Variants in ZNF311 observed in about 807,000 individuals in gnomAD.
ZNF311 encodes the protein zinc finger protein zfp31.
Under a neutral mutation model 22.7 loss-of-function variants are expected in ZNF311, and 14 were observed. The ratio of observed to expected loss-of-function variants is 0.62; its 90% CI spans 0.41 to 0.96. The LOEUF is 0.96. ZNF311 is among the 40% of genes least tolerant of loss of function. The probability of loss-of-function intolerance (pLI) is 0.00; values close to 1 mark genes in which losing one functional copy is unlikely to be tolerated. For synonymous variants in ZNF311, 250 were observed against 275.3 expected (o/e 0.91, Z 0.91); for missense variants, 731 against 799.0 (o/e 0.91, Z 1.03).
rs1780148167 is a variant in ZNF311 at position 28,999,571 on chromosome 6, T to C, written c.226A>G (p.Arg76Gly). ...GCGTAGGTCAGACACTGCCACTCCCTGTTAGTGAAGTTCACAGCTACATCC... is the reference window on the plus strand; with the variant it reads ...GCGTAGGTCAGACACTGCCACTCCCCGTTAGTGAAGTTCACAGCTACATCC... ...FEDVAVNFTN[R>G]EWQCLTYAQR... Residue 76 changes from arginine (R) to glycine (G), a missense_variant, in exon 5 of 7, where the codon AGG (arginine) becomes GGG (glycine). Physicochemically the swap from Arg to Gly is moderately radical, Grantham distance 125. Coordinates refer to ENST00000377179, the MANE Select transcript of ZNF311 (RefSeq NM_001382360.1). 1.2e-6 allele frequency: 2 copies of C among 1,613,666 alleles called. No homozygotes were observed. Among genetic ancestry groups the C allele is most frequent in the Non-Finnish European group, 1.7e-6 (2 of 1,179,960 alleles).
chr6:28,995,542 C>T lies in ZNF311; in HGVS notation c.1460G>A (p.Arg487Lys), dbSNP rs1276870191. The change falls in exon 7 of 7, where the codon AGG becomes AAG. Residue 487 changes from arginine (R) to lysine (K), a missense_variant. Coordinates refer to ENST00000377179, the MANE Select transcript of ZNF311 (RefSeq NM_001382360.1). The surrounding 1 kb of genome is among the most constrained non-coding windows in gnomAD (Gnocchi z 4.7). ...CCCTGTATGCTCTCGTTCATGAGCC[C>T]TGCGCTTACAGTTATGACGAAAGGC... The part of the protein sequence containing the change: ...GKAFRHNCKR[R>K]AHEREHTGEK... 2 of 1,613,760 alleles carry T rather than the reference C, an allele frequency of 1.2e-6. No individual in the cohort carries two copies. Among genetic ancestry groups the T allele is most frequent in the South Asian group, 2.2e-5 (2 of 91,074 alleles).
rs778410234 is a variant in ZNF311 at position 28,996,515 on chromosome 6, C to T, written c.487G>A (p.Ala163Thr). Residue 163 changes from alanine (A) to threonine (T), a missense_variant, in exon 7 of 7, where the codon GCC (alanine) becomes ACC (threonine). Coordinates refer to ENST00000377179, the MANE Select transcript of ZNF311 (RefSeq NM_001382360.1). ...AGACTGTTAAATTTCATCCAGTAGG[C>T]TTCTCCATTTTCAAAAATCTCTTGT... ...SQQEIFENGE[A>T]YWMKFNSLLK... 5 of 1,606,224 alleles carry T rather than the reference C, an allele frequency of 3.1e-6. No individual in the cohort carries two copies. In the African/African-American group the frequency reaches 4.0e-5, roughly 13 times the overall value.
At position 28,995,449 on chromosome 6, in the gene ZNF311, T is replaced by C. The variant is rs1779350176; in HGVS notation, c.1553A>G (p.Gln518Arg). ...AGGTTTCTCTCCAGTGTGGATTCTC[T>C]GATGGATGGTAAGGCAGTGCTTATC... ...FQDKHCLTIHQRIHTGEKPYK... is the reference protein window; with the variant it reads ...FQDKHCLTIHRRIHTGEKPYK... The change falls in exon 7 of 7, where the codon CAG becomes CGG. Residue 518 changes from glutamine (Q) to arginine (R), a missense_variant. Gln to Arg is a conservative substitution (Grantham distance 43, BLOSUM62 1). Coordinates refer to ENST00000377179, the MANE Select transcript of ZNF311 (RefSeq NM_001382360.1). This position sits in a 1 kb window ranked among gnomAD's most constrained non-coding sequence, Gnocchi z 4.7. 6.2e-7 allele frequency: 1 copy of C among 1,612,902 alleles called. No homozygotes were observed. Among genetic ancestry groups the C allele is most frequent in the Non-Finnish European group, 8.5e-7 (1 of 1,179,512 alleles).
intron 5 of ZNF311, 102 bp downstream of exon 5, chr6:28,999,385 T>A: frequency 8.7e-7 from 1 of 1,153,174 alleles, no homozygotes; most frequent in East Asian, 3.0e-5. Context: ...TGATAAAGAA[T>A]AAGGACTCTT....
rs1780121579 is a variant in ZNF311 at position 28,999,468 on chromosome 6, G to A, written c.310+19C>T. The stretch of plus-strand genomic sequence containing the variant: ...AAAAAAAGAAGGTAGAAAGCATTAA[G>A]TGTAGGGAAGGTCCTTACCAAGTGA... On this transcript the variant is annotated intron_variant, in intron 5 of 6. Transcript: ENST00000377179. The A allele has an allele frequency of 1.3e-6, 2 of 1,599,024 alleles. No individual in the cohort carries two copies. The highest frequency in any genetic ancestry group is 1.7e-6 in the Non-Finnish European group (2 of 1,175,008).
Position 28,995,349 on chromosome 6 carries a change from T to C in ZNF311, c.1653A>G (p.Gly551=). The C allele has an allele frequency of 6.2e-7, 1 of 1,613,982 alleles. No individual in the cohort carries two copies. Among genetic ancestry groups the C allele is most frequent in the Non-Finnish European group, 8.5e-7 (1 of 1,180,012 alleles). The stretch of plus-strand genomic sequence containing the variant: ...ATACCTCACATTTGTGAGGCTTCTC[T>C]CCAGTGTGAATTCTTCGATGATTGG... ...NLTNHRRIHT[G]EKPHKCEVCG... is the part of the protein sequence containing the mutation. Residue 551 remains glycine (G), a synonymous_variant, in exon 7 of 7, where the codon GGA becomes GGG. Transcript: ENST00000377179. The surrounding 1 kb of genome is among the most constrained non-coding windows in gnomAD (Gnocchi z 4.7).
chr6:29,004,296 A>G (rs1262586865), intron 1 of ZNF311, 82 bp from the exon 2 acceptor site: 3 of 1,042,758 alleles, frequency 2.9e-6, no homozygotes, highest in African/African-American at 1.6e-5. Flanking sequence ...CACGAAGTCA[A>G]ACTGAAAATG....
chr6:28,995,906 T>C lies in ZNF311; in HGVS notation c.1096A>G (p.Lys366Glu). 1.2e-6 allele frequency: 2 copies of C among 1,613,954 alleles called. No individual in the cohort carries two copies. Among genetic ancestry groups the C allele is most frequent in the Non-Finnish European group, 1.7e-6 (2 of 1,180,024 alleles). The change falls in exon 7 of 7, where the codon AAG becomes GAG. Residue 366 changes from lysine (K) to glutamate (E), a missense_variant. By Grantham distance (56) the Lys-to-Glu change is moderately conservative (BLOSUM62 1). Transcript: ENST00000377179. This position sits in a 1 kb window ranked among gnomAD's most constrained non-coding sequence, Gnocchi z 4.7. ...EKPYKCNCCG[K>E]AFQFKHSLTI... ...AGGGAATGCTTAAACTGGAAGGCCT[T>C]CCCACAGCAGTTACATTTGTAAGGC...
Position 28,995,101 on chromosome 6 carries a change from T to C in ZNF311, c.1901A>G (p.His634Arg), listed in dbSNP as rs759706820. 6.2e-7 allele frequency: 1 copy of C among 1,613,898 alleles called. No homozygotes were observed. The highest frequency in any genetic ancestry group is 8.5e-7 in the Non-Finnish European group (1 of 1,180,036). Residue 634 changes from histidine (H) to arginine (R), a missense_variant, in exon 7 of 7, where the codon CAT (histidine) becomes CGT (arginine). His to Arg is a conservative substitution (Grantham distance 29). Transcript: ENST00000377179. This position sits in a 1 kb window ranked among gnomAD's most constrained non-coding sequence, Gnocchi z 4.7. ...SNLTGHKKRK[H>R]QVWSTHELDG... ...AAGTTCATGGGTACTCCATACTTGATGTTTTCTTTTCTTATGTCCAGTAAG... is the reference window on the plus strand; with the variant it reads ...AAGTTCATGGGTACTCCATACTTGACGTTTTCTTTTCTTATGTCCAGTAAG...
intron 3 of ZNF311, among the ~76,000 whole-genome samples, chr6:29,000,998 C>T (rs1052223822): frequency 6.6e-6 from 1 of 151,900 alleles, no homozygotes; most frequent in African/African-American, 2.4e-5. Context: ...GGATGGTCTC[C>T]ATCTCCTGAC....
intron 4 of ZNF311, 72 bp from the exon 5 acceptor site, chr6:28,999,685 G>A: frequency 6.5e-7 from 1 of 1,545,208 alleles, no homozygotes; most frequent in South Asian, 1.2e-5. Flanking sequence ...CAGAAGAAAG[G>A]AATTTGCAAG....
At chr6:28,997,846 G>A (rs552559491) in intron 6 of ZNF311, among the ~76,000 whole-genome samples, 85 of 152,236 alleles carry the variant, frequency 5.6e-4, no homozygotes, top group African/African-American at 2.0e-3. Flanking sequence ...ATGAGTTAAT[G>A]TATGTAAAGC....
intron 3 of ZNF311, among the ~76,000 whole-genome samples, chr6:29,001,874 C>T (rs1397161889): frequency 6.6e-6 from 1 of 152,128 alleles, no homozygotes; most frequent in African/African-American, 2.4e-5. Context: ...ACATGTATAT[C>T]ATTAACTGGA....
chr6:28,997,112 A>G (rs1212693378), intron 6 of ZNF311, among the ~76,000 whole-genome samples: 1 of 152,200 alleles, frequency 6.6e-6, no homozygotes, highest in African/African-American at 2.4e-5. Context: ...CTAATCCTGG[A>G]CTTTAGAATT....
Position 29,000,080 on chromosome 6 carries a change from T to C in ZNF311, c.92-33A>G, listed in dbSNP as rs749217401. Reference sequence around the variant, plus strand: ...AAGATAAGTAAGCCAAGAGTCAATATAGCACAGTATTAATGAAATCTCCTG... The same window carrying C: ...AAGATAAGTAAGCCAAGAGTCAATACAGCACAGTATTAATGAAATCTCCTG... On this transcript the variant is annotated intron_variant, in intron 3 of 6. Transcript: ENST00000377179. The C allele has an allele frequency of 5.1e-6, 8 of 1,581,304 alleles. No individual in the cohort carries two copies. The East Asian group carries it at 6.7e-5, about 13-fold the overall frequency.
chr6:28,998,887 A>C (rs1780014760), intron 5 of ZNF311, 49 bp from the exon 6 acceptor site: 1 of 1,342,954 alleles, frequency 7.4e-7, no homozygotes, highest in Non-Finnish European at 1.1e-6. Flanking sequence ...TAACTTAATA[A>C]CTTATAACTT....
chr6:28,995,790 T>C lies in ZNF311; in HGVS notation c.1212A>G (p.Lys404=). 6.2e-7 allele frequency: 1 copy of C among 1,613,748 alleles called. No individual in the cohort carries two copies. Among genetic ancestry groups the C allele is most frequent in the Non-Finnish European group, 8.5e-7 (1 of 1,179,938 alleles). ...KAFSGSSDLT[K]HIRIHTGERP... ...GTTCCCCAGTGTGGATTCTTATGTG[T>C]TTGGTGAGGTCTGAACTCCCACTGA... The change falls in exon 7 of 7, where the codon AAA becomes AAG. Residue 404 remains lysine (K), a synonymous_variant. Coordinates refer to ENST00000377179, the MANE Select transcript of ZNF311 (RefSeq NM_001382360.1). The surrounding 1 kb of genome is among the most constrained non-coding windows in gnomAD (Gnocchi z 4.7).
chr6:29,003,771 C>T (rs1780779159), intron 2 of ZNF311, 175 bp downstream of exon 2: 4 of 1,469,432 alleles, frequency 2.7e-6, no homozygotes, highest in African/African-American at 1.4e-5. Context: ...ATGGCATCTA[C>T]AACTACAAAG....
Position 28,994,948 on chromosome 6 carries a change from A to T in ZNF311, c.*53T>A. 1 of 1,492,764 alleles carries T rather than the reference A, an allele frequency of 6.7e-7. No individual in the cohort carries two copies. Among genetic ancestry groups the T allele is most frequent in the Non-Finnish European group, 8.9e-7 (1 of 1,124,938 alleles). The allele number at this position is 1,492,764 out of a possible 1,614,324, so 92.5% of individuals were successfully genotyped here. On this transcript the variant is annotated 3_prime_UTR_variant, in exon 7 of 7. Coordinates refer to ENST00000377179, the MANE Select transcript of ZNF311 (RefSeq NM_001382360.1). Reference sequence around the variant, plus strand: ...AGGAATAACTAATATAAGAGACAGAAGGACCAGCCTAAGAGGTAGGAAAAA... The same window carrying T: ...AGGAATAACTAATATAAGAGACAGATGGACCAGCCTAAGAGGTAGGAAAAA...
Sources: allele counts gnomAD v4.1 joint callset (sites outside exome capture counted in the v4.1 genomes callset), GRCh38; gene constraint gnomAD v4.1.1; non-coding constraint Gnocchi (gnomAD v3.1); transcripts MANE v1.5; gene names NCBI Gene and HGNC (gene_info 2026-07-23, HGNC 2026-07-21).